The following EPSTI1 variants were observed in gnomAD, a reference collection of about 807,000 sequenced individuals.
EPSTI1 encodes epithelial stromal interaction 1.
Under a neutral mutation model 49.9 loss-of-function variants are expected in EPSTI1, and 66 were observed. The ratio of observed to expected loss-of-function variants is 1.32; its 90% CI spans 1.08 to 1.62. The LOEUF (loss-of-function observed/expected upper bound fraction) is 1.62. Ranked by LOEUF, EPSTI1 falls within the 40% of genes most tolerant of loss-of-function variation. The pLI, the probability that EPSTI1 is intolerant of heterozygous loss-of-function variation, is 0.00. For missense variants in EPSTI1, 394 were observed against 365.5 expected (o/e 1.08, Z -0.64); for synonymous variants, 137 against 130.7 (o/e 1.05, Z -0.33).
intron 1 of EPSTI1, among the ~76,000 whole-genome samples, chr13:42,979,584 CA>C (rs144646467): frequency 2.7e-4 from 22 of 81,038 alleles, no homozygotes; most frequent in East Asian, 9.5e-4. Flanking sequence ...GACTCCGTCT[CA>C]AAAAAAAAAA....
At chr13:42,892,547 G>A (rs1396156568) in intron 10 of EPSTI1, among the ~76,000 whole-genome samples, 1 of 152,140 alleles carries the variant, frequency 6.6e-6, no homozygotes, top group Non-Finnish European at 1.5e-5. Flanking sequence ...CAGAGCACTA[G>A]GGTAAAGGGG....
chr13:42,979,724 T>C (rs967836076), intron 1 of EPSTI1, among the ~76,000 whole-genome samples: 2 of 152,220 alleles, frequency 1.3e-5, no homozygotes, highest in African/African-American at 4.8e-5. Flanking sequence ...TTTTCTCTTT[T>C]AACCATATGA....
At chr13:42,891,313 T>C (rs2037028256) in intron 10 of EPSTI1, among the ~76,000 whole-genome samples, 2 of 152,202 alleles carry the variant, frequency 1.3e-5, no homozygotes, top group African/African-American at 4.8e-5. Context: ...ATCTGTTCCT[T>C]GAAAGTTTAA....
At chr13:42,948,329 G>C (rs530330949) in intron 6 of EPSTI1, among the ~76,000 whole-genome samples, 1 of 151,972 alleles carries the variant, frequency 6.6e-6, no homozygotes, top group East Asian at 1.9e-4. Flanking sequence ...AGGCTTGCTT[G>C]TCCTTGGACC....
intron 5 of EPSTI1, among the ~76,000 whole-genome samples, chr13:42,956,512 T>A (rs1199884036): frequency 6.6e-6 from 1 of 151,188 alleles, no homozygotes; most frequent in Non-Finnish European, 1.5e-5. Context: ...AGGAGGGGAG[T>A]AGGAAAGGAA....
chr13:42,975,265 A>T (rs932408405), intron 1 of EPSTI1, among the ~76,000 whole-genome samples: 2 of 152,216 alleles, frequency 1.3e-5, no homozygotes, highest in Non-Finnish European at 2.9e-5. Flanking sequence ...ATAGAAAATG[A>T]CAAGACCAGG....
intron 1 of EPSTI1, among the ~76,000 whole-genome samples, chr13:42,971,926 T>C (rs981943425): frequency 6.6e-6 from 1 of 152,212 alleles, no homozygotes; most frequent in African/African-American, 2.4e-5. Context: ...TACAACGTTA[T>C]GAATACAAAA....
intron 7 of EPSTI1, 144 bp from the exon 8 acceptor site, chr13:42,917,768 C>T (rs2037880537): frequency 1.8e-6 from 1 of 563,632 alleles, no homozygotes; most frequent in African/African-American, 1.9e-5. Context: ...TCCATACACA[C>T]TTGGTTATTA....
rs60668315 is a variant in EPSTI1, at chr13:42,956,365, C to A, written c.490-2344G>T. The stretch of plus-strand genomic sequence containing the variant: ...TGATGACCAAATAAAAGGATAAATA[C>A]CATGGCTCTAATGAGAGAGAGAAAT... On this transcript the variant is annotated intron_variant, in intron 5 of 10. Transcript: ENST00000313624. 3.5e-3 allele frequency among the ~76,000 whole-genome samples: 536 copies of A among 152,216 alleles called. 2 individuals are homozygous for A. Among genetic ancestry groups the A allele is most frequent in the African/African-American group, 0.012 (509 of 41,512 alleles).
At chr13:42,960,830 T>C (rs1294649654) in intron 5 of EPSTI1, among the ~76,000 whole-genome samples, 1 of 152,174 alleles carries the variant, frequency 6.6e-6, no homozygotes, top group Non-Finnish European at 1.5e-5. Context: ...CCTGGTATCA[T>C]CTCTTCATTC....
chr13:42,905,154 A>C (rs2037463489), intron 8 of EPSTI1, among the ~76,000 whole-genome samples: 1 of 152,196 alleles, frequency 6.6e-6, no homozygotes, highest in African/African-American at 2.4e-5. Context: ...GAAGCTAAGA[A>C]CTGTTAGGGA....
intron 1 of EPSTI1, among the ~76,000 whole-genome samples, chr13:42,983,460 A>G (rs923599720): frequency 2.0e-5 from 3 of 149,094 alleles, no homozygotes; most frequent in Non-Finnish European, 4.4e-5. Context: ...GCTACTCGAG[A>G]GGCTGAGGCA....
intron 2 of EPSTI1, 41 bp downstream of exon 2, chr13:42,970,571 G>C: frequency 6.6e-7 from 1 of 1,512,202 alleles, no homozygotes; most frequent in Non-Finnish European, 9.0e-7. Flanking sequence ...ATTGTAAAAA[G>C]AGAGAAGCAT....
rs1186710640 is a variant in EPSTI1, at chr13:42,979,460, T to C, written c.189-8790A>G. ...AGCCGGGCGTGGTGGCGGGTGCCTGTAGTCCCAGCTACTCAGGAGGCTGAG... is the reference window on the plus strand; with the variant it reads ...AGCCGGGCGTGGTGGCGGGTGCCTGCAGTCCCAGCTACTCAGGAGGCTGAG... On this transcript the variant is annotated intron_variant, in intron 1 of 10. Transcript: ENST00000313624. Among the ~76,000 whole-genome samples the C allele has an allele frequency of 2.0e-5, 3 of 151,732 alleles. No individual in the cohort carries two copies. The East Asian group carries it at 5.8e-4, about 29-fold the overall frequency.
At chr13:42,905,653 A>T (rs1414331848) in intron 8 of EPSTI1, among the ~76,000 whole-genome samples, 1 of 152,206 alleles carries the variant, frequency 6.6e-6, no homozygotes, top group East Asian at 1.9e-4. Flanking sequence ...GGCCTGGCCT[A>T]CTCAATGCAT....
intron 1 of EPSTI1, among the ~76,000 whole-genome samples, chr13:42,974,521 T>C (rs1168039697): frequency 6.6e-6 from 1 of 151,460 alleles, no homozygotes; most frequent in Non-Finnish European, 1.5e-5. Context: ...TAGCCGGGCG[T>C]GGTGGTGGGC....
At chr13:42,892,134 TGAA>T (rs1415331467) in intron 10 of EPSTI1, among the ~76,000 whole-genome samples, 10 of 151,794 alleles carry the variant, frequency 6.6e-5, no homozygotes, top group Admixed American at 2.6e-4. Context: ...TAGAGAGAAA[TGAA>T]GAAGGAGAGC....
At chr13:42,973,256 T>C (rs746882867) in intron 1 of EPSTI1, among the ~76,000 whole-genome samples, 11 of 152,234 alleles carry the variant, frequency 7.2e-5, no homozygotes, top group Admixed American at 1.3e-4. Context: ...AGTCAATCTA[T>C]GGCCAATGTG....
At chr13:42,953,346 A>G (rs2039160056) in intron 6 of EPSTI1, among the ~76,000 whole-genome samples, 1 of 152,150 alleles carries the variant, frequency 6.6e-6, no homozygotes, top group African/African-American at 2.4e-5. Flanking sequence ...CCACATTTAG[A>G]ATTAATGTAG....
Sources: gnomAD v4.1 joint callset for allele counts (sites outside exome capture counted in the v4.1 genomes callset) on GRCh38, gnomAD v4.1.1 for gene constraint, MANE v1.5 for transcripts, NCBI Gene and HGNC (gene_info 2026-07-23, HGNC 2026-07-21) for gene names.